Variants in GPT observed in about 807,000 individuals in gnomAD.
GPT encodes the protein alanine aminotransferase 1.
In GPT, 60 loss-of-function variants were observed where a neutral mutation model predicts 51.4. The ratio of observed to expected loss-of-function variants is 1.17; its 90% CI spans 0.95 to 1.45. The LOEUF (loss-of-function observed/expected upper bound fraction) is 1.45, where lower values mean the gene tolerates loss of function less well. GPT is among the 40% of genes most tolerant of loss of function. The pLI is 0.00. For synonymous variants in GPT, 397 were observed against 303.1 expected, an observed-to-expected ratio of 1.31 and a Z score of -3.22; for missense variants, 853 against 704.0, an observed-to-expected ratio of 1.21 and a Z score of -2.40.
Position 144,507,024 on chromosome 8 carries a change from G to C in GPT, c.*24G>C. On this transcript the variant is annotated 3_prime_UTR_variant, in exon 11 of 11. Coordinates refer to ENST00000394955, the MANE Select transcript of GPT (RefSeq NM_005309.3). ...GAGCACCCCAGCTGGGGCCAGGCTGGGTCGCCCTGGACTGTGTGCTCAGGA... is the reference window on the plus strand; with the variant it reads ...GAGCACCCCAGCTGGGGCCAGGCTGCGTCGCCCTGGACTGTGTGCTCAGGA... The C allele has an allele frequency of 6.4e-7, 1 of 1,570,578 alleles. No homozygotes were observed. Among genetic ancestry groups the C allele is most frequent in the Non-Finnish European group, 8.8e-7 (1 of 1,142,018 alleles).
chr8:144,507,048 G>A lies in GPT; in HGVS notation c.*48G>A. On this transcript the variant is annotated 3_prime_UTR_variant, in exon 11 of 11. Transcript: ENST00000394955. The stretch of plus-strand genomic sequence containing the variant: ...GGGTCGCCCTGGACTGTGTGCTCAG[G>A]AGCCCTGGGAGGCTCTGGAGCCCAC... 7 of 1,238,700 alleles carry A rather than the reference G, an allele frequency of 5.7e-6. No homozygotes were observed. The highest frequency in any genetic ancestry group is 8.0e-6 in the Non-Finnish European group (7 of 870,398). 76.7% of individuals were successfully genotyped at this position (1,238,700 alleles called of 1,614,324 possible).
rs759240795 is a variant in GPT at position 144,504,361 on chromosome 8, G to A, written c.57G>A (p.Lys19=). The A allele has an allele frequency of 1.2e-6, 2 of 1,611,476 alleles. No homozygotes were observed. Among genetic ancestry groups the A allele is most frequent in the South Asian group, 1.1e-5 (1 of 91,086 alleles). The change falls in exon 1 of 11, where the codon AAG becomes AAA. Residue 19 remains lysine (K), a synonymous_variant. Transcript: ENST00000394955. ...SQAVRHGLRA[K]VLTLDGMNPR... is the part of the protein sequence containing the mutation. ...CGGTGAGGCATGGACTGAGGGCGAAGGTGCTGACGCTGGACGGCATGAACC... is the reference window on the plus strand; with the variant it reads ...CGGTGAGGCATGGACTGAGGGCGAAAGTGCTGACGCTGGACGGCATGAACC...
rs760385283 is a variant in GPT at position 144,504,912 on chromosome 8, C to T, written c.361+33C>T. 2.7e-5 allele frequency: 43 copies of T among 1,612,356 alleles called. 1 individual carries two copies. Among genetic ancestry groups the T allele is most frequent in the South Asian group, 2.6e-4 (24 of 91,082 alleles). ...CCAGGGCCAGGAGGAAGCAGAGGGCCGCCCTGCCACTGGAGGAGGGAAGTC... is the reference window on the plus strand; with the variant it reads ...CCAGGGCCAGGAGGAAGCAGAGGGCTGCCCTGCCACTGGAGGAGGGAAGTC... On this transcript the variant is annotated intron_variant, in intron 3 of 10. Transcript: ENST00000394955.
chr8:144,505,461 C>T lies in GPT; in HGVS notation c.711C>T (p.Leu237=), dbSNP rs1419626161. 3.1e-6 allele frequency: 5 copies of T among 1,594,386 alleles called. 1 individual carries two copies. The South Asian group carries it at 5.7e-5, about 18-fold the overall frequency. Residue 237 remains leucine, a synonymous_variant, in exon 5 of 11, where the codon CTC becomes CTT. Coordinates refer to ENST00000394955, the MANE Select transcript of GPT (RefSeq NM_005309.3). ...GTGACCACTGCCGCCCTCGTGCGCT[C>T]TGTGTCATCAACCCTGGCAACCCCA... ...QARDHCRPRA[L]CVINPGNPTG... is the part of the protein sequence containing the mutation.
chr8:144,504,875 T>A lies in GPT; in HGVS notation c.357T>A (p.Ser119Arg). 6.2e-7 allele frequency: 1 copy of A among 1,613,134 alleles called. No individual in the cohort carries two copies. The highest frequency in any genetic ancestry group is 1.1e-5 in the South Asian group (1 of 91,082). Residue 119 changes from serine (S) to arginine (R), a missense_variant, in exon 3 of 11, where the codon AGT (serine) becomes AGA (arginine). Physicochemically the swap from Ser to Arg is moderately radical, Grantham distance 110 (BLOSUM62 -1). Coordinates refer to ENST00000394955, the MANE Select transcript of GPT (RefSeq NM_005309.3). ...ERILQACGGH[S>R]LGAYSVSSGI... ...TCTTGCAGGCGTGTGGGGGCCACAGTCTGGGTGAGAGCCAGGGCCAGGAGG... is the reference window on the plus strand; with the variant it reads ...TCTTGCAGGCGTGTGGGGGCCACAGACTGGGTGAGAGCCAGGGCCAGGAGG...
chr8:144,505,836 C>T lies in GPT; in HGVS notation c.740-12C>T, dbSNP rs1443604163. 1.3e-6 allele frequency: 2 copies of T among 1,544,152 alleles called. No homozygotes were observed. Among genetic ancestry groups the T allele is most frequent in the Non-Finnish European group, 1.7e-6 (2 of 1,146,274 alleles). The stretch of plus-strand genomic sequence containing the variant: ...TGGCTCACCCAGCACTGCTGCCTCC[C>T]CGGCACCCCAGGGCAGGTGCAGACC... On this transcript the variant is annotated splice_polypyrimidine_tract_variant and intron_variant, in intron 5 of 10. Transcript: ENST00000394955.
rs1015116883 is a variant in GPT, at chr8:144,505,336, C to G, written c.586C>G (p.Leu196Val). Residue 196 changes from leucine (L) to valine (V), a missense_variant, in exon 5 of 11, where the codon CTG becomes GTG. By Grantham distance (32) the Leu-to-Val change is conservative. Coordinates refer to ENST00000394955, the MANE Select transcript of GPT (RefSeq NM_005309.3). ...CCAGTACCCACTCTACTCGGCCACGCTGGCAGAGCTGGGCGCAGTGCAGGT... is the reference window on the plus strand; with the variant it reads ...CCAGTACCCACTCTACTCGGCCACGGTGGCAGAGCTGGGCGCAGTGCAGGT... ...IPQYPLYSAT[L>V]AELGAVQVDY... 3 of 1,571,490 alleles carry G rather than the reference C, an allele frequency of 1.9e-6. No homozygotes were observed. The African/African-American group carries it at 4.1e-5, about 21-fold the overall frequency.
Position 144,507,093 on chromosome 8 carries a change from T to TG in GPT, c.*95dup. ...GCCCACTGTACTTGCTCTTGATGCC[T>TG]GGCGGGGTGGGGTGGGGGGGGTGCT... is the stretch of plus-strand genomic sequence containing the variant. On this transcript the variant is annotated 3_prime_UTR_variant, in exon 11 of 11. Coordinates refer to ENST00000394955, the MANE Select transcript of GPT (RefSeq NM_005309.3). 4 of 149,044 alleles carry TG rather than the reference T, an allele frequency of 2.7e-5. No homozygotes were observed. The highest frequency in any genetic ancestry group is 8.9e-5 in the African/African-American group (1 of 11,296). 9.2% of individuals were successfully genotyped at this position (149,044 alleles called of 1,614,324 possible).
chr8:144,507,092 C>CG lies in GPT; in HGVS notation c.*92_*93insG. ...AGCCCACTGTACTTGCTCTTGATGC[C>CG]TGGCGGGGTGGGGTGGGGGGGGTGC... On this transcript the variant is annotated 3_prime_UTR_variant, in exon 11 of 11. Coordinates refer to ENST00000394955, the MANE Select transcript of GPT (RefSeq NM_005309.3). 1.8e-5 allele frequency: 6 copies of CG among 324,918 alleles called. No homozygotes were observed. The highest frequency in any genetic ancestry group is 4.0e-5 in the South Asian group (2 of 50,290). 20.1% of individuals were successfully genotyped at this position (324,918 alleles called of 1,614,324 possible). A position where few individuals can be genotyped will look rare whatever the true frequency, so the allele number is the denominator to read the frequency against.
rs759223375 is a variant in GPT, at chr8:144,506,371, G to A, written c.1096G>A (p.Ala366Thr). Reference sequence around the variant, plus strand: ...GCTGGACCTGGTGGTCAGCCCGCCCGCGCCCACCGACCCCTCCTTTGCGCA... The same window carrying A: ...GCTGGACCTGGTGGTCAGCCCGCCCACGCCCACCGACCCCTCCTTTGCGCA... ...ALLDLVVSPP[A>T]PTDPSFAQFQ... Residue 366 changes from alanine to threonine, a missense_variant, in exon 8 of 11, where the codon GCG becomes ACG. Physicochemically the swap from Ala to Thr is moderately conservative, Grantham distance 58 (BLOSUM62 0). Coordinates refer to ENST00000394955, the MANE Select transcript of GPT (RefSeq NM_005309.3). The surrounding 1 kb of genome is among the most constrained non-coding windows in gnomAD (Gnocchi z 7.0). 2.0e-5 allele frequency: 31 copies of A among 1,561,352 alleles called. 1 individual carries two copies. The East Asian group carries it at 2.6e-4, about 13-fold the overall frequency.
rs1564777272 is a variant in GPT at position 144,505,109 on chromosome 8, CAG to C, written c.474_475del (p.Ala160GlnfsTer70). ...GACCCCAACAACGTCTTCCTGTCCACAGGGGCCAGCGATGCCATCGTGGTAGG... is the reference window on the plus strand; with the variant it reads ...GACCCCAACAACGTCTTCCTGTCCACGGGCCAGCGATGCCATCGTGGTAGG... On this transcript the variant is annotated frameshift_variant, in exon 4 of 11. Transcript: ENST00000394955. LOFTEE classifies it high-confidence loss of function. 6.2e-7 allele frequency: 1 copy of C among 1,612,990 alleles called. No individual in the cohort carries two copies. Among genetic ancestry groups the C allele is most frequent in the Admixed American group, 1.7e-5 (1 of 60,010 alleles).
chr8:144,506,570 C>T lies in GPT; in HGVS notation c.1201C>T (p.Pro401Ser), dbSNP rs1392147386. The T allele has an allele frequency of 1.3e-6, 2 of 1,582,138 alleles. No homozygotes were observed. Among genetic ancestry groups the T allele is most frequent in the East Asian group, 2.3e-5 (1 of 43,612 alleles). ...KLTEQVFNEA[P>S]GISCNPVQGA... ...CACCGAGCAGGTCTTCAATGAGGCT[C>T]CTGGCATCAGCTGCAACCCAGTGCA... Residue 401 changes from proline (P) to serine (S), a missense_variant, in exon 9 of 11, where the codon CCT becomes TCT. Pro to Ser is a moderately conservative substitution (Grantham distance 74). Transcript: ENST00000394955. This position sits in a 1 kb window ranked among gnomAD's most constrained non-coding sequence, Gnocchi z 7.0.
In GPT at chr8:144,507,023, G is replaced by A. The variant is rs1826848190; in HGVS notation, c.*23G>A. ...TGAGCACCCCAGCTGGGGCCAGGCT[G>A]GGTCGCCCTGGACTGTGTGCTCAGG... On this transcript the variant is annotated 3_prime_UTR_variant, in exon 11 of 11. Coordinates refer to ENST00000394955, the MANE Select transcript of GPT (RefSeq NM_005309.3). 5 of 1,570,760 alleles carry A rather than the reference G, an allele frequency of 3.2e-6. No individual in the cohort carries two copies. In the African/African-American group the frequency reaches 5.4e-5, roughly 17 times the overall value.
chr8:144,503,424 CT>C (rs1826630555), upstream of GPT, among the ~76,000 whole-genome samples: 2 of 152,158 alleles, frequency 1.3e-5, no homozygotes, highest in African/African-American at 4.8e-5. Context: ...CAGGTCACCC[CT>C]AGCCTCGGGT....
At position 144,506,748 on chromosome 8, in the gene GPT, C is replaced by G. The variant is rs776606424; in HGVS notation, c.1305C>G (p.Pro435=). 1 of 1,611,870 alleles carries G rather than the reference C, an allele frequency of 6.2e-7. No individual in the cohort carries two copies. Among genetic ancestry groups the G allele is most frequent in the Non-Finnish European group, 8.5e-7 (1 of 1,179,888 alleles). ...VERAQELGLA[P]DMFFCLRLLE... is the part of the protein sequence containing the mutation. ...GTCCACAGGAGCTGGGCCTGGCCCC[C>G]GATATGTTCTTCTGCCTGCGCCTCC... The change falls in exon 10 of 11, where the codon CCC becomes CCG. Residue 435 remains proline (P), a synonymous_variant. Coordinates refer to ENST00000394955, the MANE Select transcript of GPT (RefSeq NM_005309.3). This position sits in a 1 kb window ranked among gnomAD's most constrained non-coding sequence, Gnocchi z 7.0.
At chr8:144,504,946 G>A (rs974497629) in intron 3 of GPT, 52 bp from the exon 4 acceptor site, 2 of 1,613,032 alleles carry the variant, frequency 1.2e-6, no homozygotes, top group Non-Finnish European at 1.7e-6. Context: ...TCCCTTGGGA[G>A]GGCTGAGGAG....
rs773949932 is a variant in GPT at position 144,505,943 on chromosome 8, G to A, written c.819+16G>A. The A allele has an allele frequency of 1.2e-6, 2 of 1,611,376 alleles. No homozygotes were observed. The highest frequency in any genetic ancestry group is 1.7e-5 in the Admixed American group (1 of 59,900). ...GGCGGACGAGGTGCGCGGCGCGGGG[G>A]AGCGGGAAGCCGGGCAACAGTCCGC... On this transcript the variant is annotated intron_variant, in intron 6 of 10. Coordinates refer to ENST00000394955, the MANE Select transcript of GPT (RefSeq NM_005309.3).
At position 144,504,202 on chromosome 8, in the gene GPT, C is replaced by T; in HGVS notation, c.-103C>T. ...CTGGAGTTCCCTCTGCTACGGCTGC[C>T]CCCTCCCAGCCCTGGCCCACTAAGC... On this transcript the variant is annotated 5_prime_UTR_variant, in exon 1 of 11. Coordinates refer to ENST00000394955, the MANE Select transcript of GPT (RefSeq NM_005309.3). The T allele has an allele frequency of 1.6e-6, 2 of 1,262,732 alleles. No homozygotes were observed. Among genetic ancestry groups the T allele is most frequent in the Non-Finnish European group, 2.2e-6 (2 of 896,252 alleles). 78.2% of individuals were successfully genotyped at this position (1,262,732 alleles called of 1,614,324 possible). A position where few individuals can be genotyped will look rare whatever the true frequency, so the allele number is the denominator to read the frequency against.
In GPT at chr8:144,507,106, T is replaced by TGGGGGGGTGGGGG; in HGVS notation, c.*113_*114insTGGGGGGGGGGGG. On this transcript the variant is annotated 3_prime_UTR_variant, in exon 11 of 11. Coordinates refer to ENST00000394955, the MANE Select transcript of GPT (RefSeq NM_005309.3). The stretch of plus-strand genomic sequence containing the variant: ...GCTCTTGATGCCTGGCGGGGTGGGG[T>TGGGGGGGTGGGGG]GGGGGGGGTGCTGGGCCCCTGCCTC... The TGGGGGGGTGGGGG allele has an allele frequency of 1.2e-5, 2 of 161,084 alleles. No homozygotes were observed. Among genetic ancestry groups the TGGGGGGGTGGGGG allele is most frequent in the Non-Finnish European group, 1.3e-5 (1 of 75,986 alleles). The allele number at this position is 161,084 out of a possible 1,614,324, so 10.0% of individuals were successfully genotyped here.
Sources: allele counts gnomAD v4.1 joint callset (sites outside exome capture counted in the v4.1 genomes callset), GRCh38; gene constraint gnomAD v4.1.1; non-coding constraint Gnocchi (gnomAD v3.1); transcripts MANE v1.5; gene names NCBI Gene and HGNC (gene_info 2026-07-23, HGNC 2026-07-21).